Variants in MTARC1 observed in about 807,000 individuals in gnomAD.
MTARC1 encodes the protein mitochondrial amidoxime reducing component 1, also known as mitochondrial amidoxime-reducing component 1.
A neutral mutation model predicts 33.6 loss-of-function variants in MTARC1; 24 were observed. That is an observed-to-expected ratio of 0.72 (90% CI 0.52 to 1.01). The LOEUF is 1.01. MTARC1 is among the 50% of genes least tolerant of loss of function. The pLI is 0.00. For synonymous variants in MTARC1, 187 were observed against 189.5 expected (o/e 0.99, Z 0.11); for missense variants, 417 against 445.7 (o/e 0.94, Z 0.58).
Position 220,787,107 on chromosome 1 carries a change from G to T in MTARC1, c.163G>T (p.Val55Leu). The change falls in exon 1 of 7, where the codon GTG becomes TTG. Residue 55 changes from valine to leucine, a missense_variant. Val to Leu is a conservative substitution (Grantham distance 32). Coordinates refer to ENST00000366910, the MANE Select transcript of MTARC1 (RefSeq NM_022746.4). ...PTRRRRLLQQ[V>L]GTVAQLWIYP... ...GCGGCGCCGGCGGCTGCTGCAGCAGGTGGGCACAGTGGCGCAGCTCTGGAT... is the reference window on the plus strand; with the variant it reads ...GCGGCGCCGGCGGCTGCTGCAGCAGTTGGGCACAGTGGCGCAGCTCTGGAT... 6.5e-7 allele frequency: 1 copy of T among 1,535,612 alleles called. No homozygotes were observed. The highest frequency in any genetic ancestry group is 8.7e-7 in the Non-Finnish European group (1 of 1,143,702).
intron 6 of MTARC1, among the ~76,000 whole-genome samples, chr1:220,809,436 T>C (rs1343191646): frequency 6.6e-6 from 1 of 152,224 alleles, no homozygotes; most frequent in Non-Finnish European, 1.5e-5. Context: ...GGCCAGCCTC[T>C]GGAGGTTCAG....
chr1:220,800,525 G>A (rs1298474809), intron 4 of MTARC1, among the ~76,000 whole-genome samples: 2 of 152,178 alleles, frequency 1.3e-5, no homozygotes, highest in Non-Finnish European at 2.9e-5. Context: ...GGCACCCAGG[G>A]CTCTGGTCTC....
At position 220,813,709 on chromosome 1, in the gene MTARC1, G is replaced by C. The variant is rs1222471058; in HGVS notation, c.*291G>C. 4 of 319,470 alleles carry C rather than the reference G, an allele frequency of 1.3e-5. No individual in the cohort carries two copies. Among genetic ancestry groups the C allele is most frequent in the African/African-American group, 2.1e-5 (1 of 47,566 alleles). The allele number at this position is 319,470 out of a possible 1,614,324, so 19.8% of individuals were successfully genotyped here. On this transcript the variant is annotated 3_prime_UTR_variant, in exon 7 of 7. Coordinates refer to ENST00000366910, the MANE Select transcript of MTARC1 (RefSeq NM_022746.4). ...TGATTATGGAATAGTTCTTTCTCCT[G>C]CTTCTCCGTTTATCTACCAAGAGCG... is the stretch of plus-strand genomic sequence containing the variant.
At position 220,815,988 on chromosome 1, in the gene MTARC1, G is replaced by C. The variant is rs12406881; in HGVS notation, c.*2570G>C. The C allele has an allele frequency of 0.16, 24,183 of 152,286 alleles. 2,000 individuals carry two copies. The highest frequency in any genetic ancestry group is 0.19 in the Middle Eastern group (56 of 296). 9.4% of individuals were successfully genotyped at this position (152,286 alleles called of 1,614,324 possible). Reference sequence around the variant, plus strand: ...CAGAAAATGTTAGAAACTTCCAACCGAAAGACGAGGGCAGCAACTTATACA... The same window carrying C: ...CAGAAAATGTTAGAAACTTCCAACCCAAAGACGAGGGCAGCAACTTATACA... On this transcript the variant is annotated 3_prime_UTR_variant, in exon 7 of 7. Coordinates refer to ENST00000366910, the MANE Select transcript of MTARC1 (RefSeq NM_022746.4).
chr1:220,795,603 T>C (rs1672585444), intron 2 of MTARC1, among the ~76,000 whole-genome samples: 2 of 152,224 alleles, frequency 1.3e-5, no homozygotes, highest in African/African-American at 2.4e-5. Flanking sequence ...ATATAATTTA[T>C]ATATATGGGT....
intron 4 of MTARC1, among the ~76,000 whole-genome samples, chr1:220,803,838 G>A (rs929828632): frequency 9.2e-5 from 14 of 152,090 alleles, no homozygotes; most frequent in Non-Finnish European, 1.5e-4. Flanking sequence ...GTGGAGAAAT[G>A]TTCACAGGAC....
At chr1:220,787,281 G>C in intron 1 of MTARC1, 62 bp downstream of exon 1, 1 of 1,487,976 alleles carries the variant, frequency 6.7e-7, no homozygotes, top group Non-Finnish European at 8.9e-7. Flanking sequence ...GGTGAGAAGG[G>C]AGGAGCGCAG....
At position 220,787,235 on chromosome 1, in the gene MTARC1, G is replaced by C; in HGVS notation, c.275+16G>C. On this transcript the variant is annotated intron_variant, in intron 1 of 6. Coordinates refer to ENST00000366910, the MANE Select transcript of MTARC1 (RefSeq NM_022746.4). ...TGCGGGACAGGTACGGCCAAGCGCC[G>C]GCGCGGGGCAGCGCTGATCCGGCTC... The C allele has an allele frequency of 1.3e-6, 2 of 1,553,230 alleles. No homozygotes were observed. The highest frequency in any genetic ancestry group is 1.7e-6 in the Non-Finnish European group (2 of 1,151,136).
rs1051203058 is a variant in MTARC1 at position 220,813,984 on chromosome 1, A to G, written c.*566A>G. On this transcript the variant is annotated 3_prime_UTR_variant, in exon 7 of 7. Transcript: ENST00000366910. ...GAAGCACTGCAGATATTAATTTTCC[A>G]TAGATCTGGATCTGGCCCTGCTGCT... 3 of 155,938 alleles carry G rather than the reference A, an allele frequency of 1.9e-5. No homozygotes were observed. The highest frequency in any genetic ancestry group is 7.2e-5 in the African/African-American group (3 of 41,480). 9.7% of individuals were successfully genotyped at this position (155,938 alleles called of 1,614,324 possible).
chr1:220,805,135 G>T, intron 5 of MTARC1, 22 bp downstream of exon 5: 1 of 1,614,166 alleles, frequency 6.2e-7, no homozygotes. Context: ...TCCTGTCCCT[G>T]TGGGGTGGAG....
chr1:220,794,653 C>A (rs1180433928), intron 2 of MTARC1, among the ~76,000 whole-genome samples: 1 of 151,662 alleles, frequency 6.6e-6, no homozygotes. Flanking sequence ...AAGGTAATAT[C>A]CATTTGGGTG....
At chr1:220,799,554 C>T (rs752240974) in intron 4 of MTARC1, among the ~76,000 whole-genome samples, 7 of 152,134 alleles carry the variant, frequency 4.6e-5, no homozygotes, top group Non-Finnish European at 8.8e-5. Flanking sequence ...TTGTGTTGCG[C>T]TTAAGTATGT....
At chr1:220,788,413 A>G (rs567512597) in intron 1 of MTARC1, among the ~76,000 whole-genome samples, 1 of 152,224 alleles carries the variant, frequency 6.6e-6, no homozygotes, top group Non-Finnish European at 1.5e-5. Flanking sequence ...AGCTCCCCAG[A>G]CAGAGGGCAA....
intron 4 of MTARC1, among the ~76,000 whole-genome samples, chr1:220,804,363 T>G (rs1408099583): frequency 1.3e-5 from 2 of 152,216 alleles, no homozygotes; most frequent in Non-Finnish European, 2.9e-5. Context: ...TGAATATTTC[T>G]GGCATTTAAA....
chr1:220,798,956 C>T, intron 4 of MTARC1: 1 of 985,338 alleles, frequency 1.0e-6, no homozygotes, highest in Non-Finnish European at 1.2e-6. Context: ...GAATTTGATT[C>T]CCACATTCAA....
chr1:220,787,852 A>C (rs1022425484), intron 1 of MTARC1, among the ~76,000 whole-genome samples: 1 of 152,066 alleles, frequency 6.6e-6, no homozygotes, highest in Non-Finnish European at 1.5e-5. Context: ...AAACAAAAAA[A>C]CAAAAATTAG....
Position 220,797,939 on chromosome 1 carries a change from C to T in MTARC1, c.678C>T (p.Ser226=). 1.2e-6 allele frequency: 2 copies of T among 1,614,236 alleles called. No homozygotes were observed. Among genetic ancestry groups the T allele is most frequent in the Non-Finnish European group, 8.5e-7 (1 of 1,180,040 alleles). The stretch of plus-strand genomic sequence containing the variant: ...AGGCGTCGCTGGCGGATCTCAACTC[C>T]AGGCTAGAGAAGAAAGTTAAAGCAA... The part of the protein sequence containing the change: ...LSEASLADLN[S]RLEKKVKATN... Residue 226 remains serine (S), a synonymous_variant, in exon 4 of 7, where the codon TCC becomes TCT. Coordinates refer to ENST00000366910, the MANE Select transcript of MTARC1 (RefSeq NM_022746.4).
At chr1:220,788,007 C>CAAAAAAAAAAAAAAA in intron 1 of MTARC1, among the ~76,000 whole-genome samples, 1 of 150,564 alleles carries the variant, frequency 6.6e-6, no homozygotes, top group Admixed American at 6.6e-5. Flanking sequence ...GACTCCGAAT[C>CAAAAAAAAAAAAAAA]AAAAAAAGAA....
Position 220,805,084 on chromosome 1 carries a change from G to A in MTARC1, c.786G>A (p.Val262=), listed in dbSNP as rs774296821. Reference sequence around the variant, plus strand: ...GGGATGAGCTTCTTATTGGTGACGTGGAACTGAAAAGGGTGATGGCTTGTT... The same window carrying A: ...GGGATGAGCTTCTTATTGGTGACGTAGAACTGAAAAGGGTGATGGCTTGTT... ...DSWDELLIGD[V]ELKRVMACSR... Residue 262 remains valine (V), a synonymous_variant, in exon 5 of 7, where the codon GTG becomes GTA. Transcript: ENST00000366910. The A allele has an allele frequency of 6.2e-7, 1 of 1,614,154 alleles. No homozygotes were observed.
Sources: gnomAD v4.1 joint callset for allele counts (sites outside exome capture counted in the v4.1 genomes callset) on GRCh38, gnomAD v4.1.1 for gene constraint, MANE v1.5 for transcripts, NCBI Gene and HGNC (gene_info 2026-07-23, HGNC 2026-07-21) for gene names.